KCNIP4: variants seen among roughly 807,000 people sequenced by gnomAD.
KCNIP4 encodes the protein potassium voltage-gated channel interacting protein 4, also known as Kv channel-interacting protein 4.
KCNIP4 carries 12 observed loss-of-function variants against 34.0 expected under a neutral mutation model. The observed-to-expected ratio is 0.35, with a 90% CI of 0.23 to 0.57. The LOEUF (loss-of-function observed/expected upper bound fraction) is 0.57. Among genes scored for constraint, KCNIP4 ranks in the 20% least tolerant of loss-of-function variants. The pLI is 0.83. For missense variants in KCNIP4, 238 were observed against 311.7 expected (o/e 0.76, Z 1.78); for synonymous variants, 124 against 102.2 (o/e 1.21, Z -1.29).
At chr4:21,727,097 A>T (rs933092502) in intron 1 of KCNIP4, among the ~76,000 whole-genome samples, 48 of 152,178 alleles carry the variant, frequency 3.2e-4, no homozygotes, top group Admixed American at 3.1e-3. Context: ...CACATGTGCC[A>T]TGTATACTCT....
At chr4:21,641,215 C>T (rs1746591004) in intron 1 of KCNIP4, among the ~76,000 whole-genome samples, 1 of 152,228 alleles carries the variant, frequency 6.6e-6, no homozygotes, top group Admixed American at 6.5e-5. Context: ...TGCCCATGGT[C>T]CCCACTATGC....
intron 1 of KCNIP4, among the ~76,000 whole-genome samples, chr4:21,841,604 T>C (rs1294088296): frequency 1.3e-5 from 2 of 152,162 alleles, no homozygotes; most frequent in Non-Finnish European, 2.9e-5. Context: ...ACTGTCCAAT[T>C]TCATGGAACA....
intron 1 of KCNIP4, among the ~76,000 whole-genome samples, chr4:21,235,379 A>G (rs1404790753): frequency 1.3e-5 from 2 of 151,982 alleles, no homozygotes; most frequent in East Asian, 3.9e-4. Flanking sequence ...ATGCTCACAC[A>G]CCTCATTCTA....
intron 1 of KCNIP4, among the ~76,000 whole-genome samples, chr4:21,375,737 T>C (rs10026382): frequency 0.048 from 7,338 of 151,906 alleles, 296 homozygotes; most frequent in Admixed American, 0.092. Flanking sequence ...CAGCTAATTT[T>C]TTTTGTATTT....
At chr4:21,545,089 G>A (rs982792388) in intron 1 of KCNIP4, among the ~76,000 whole-genome samples, 2 of 152,134 alleles carry the variant, frequency 1.3e-5, no homozygotes, top group Admixed American at 6.6e-5. Context: ...AGATAGCAAG[G>A]AGAGTGACCT....
chr4:21,590,713 T>A lies in KCNIP4; in HGVS notation c.61+357858A>T, dbSNP rs182345884. Reference sequence around the variant, plus strand: ...AAGTTTAATATGTGATCCCAATGGGTCATTACTATCTTCAATGCACAGTAC... The same window carrying A: ...AAGTTTAATATGTGATCCCAATGGGACATTACTATCTTCAATGCACAGTAC... On this transcript the variant is annotated intron_variant, in intron 1 of 8. Coordinates refer to ENST00000382152, the MANE Select transcript of KCNIP4 (RefSeq NM_025221.6). 9.9e-5 allele frequency among the ~76,000 whole-genome samples: 15 copies of A among 152,120 alleles called. No homozygotes were observed. The East Asian group carries it at 2.9e-3, about 29-fold the overall frequency.
At chr4:21,189,628 T>C (rs965151039) in intron 1 of KCNIP4, among the ~76,000 whole-genome samples, 3 of 151,954 alleles carry the variant, frequency 2.0e-5, no homozygotes, top group African/African-American at 7.2e-5. Flanking sequence ...CAAAGCACAT[T>C]TGCACTTGTC....
rs541867575 is a variant in KCNIP4, at chr4:21,683,618, G to A, written c.61+264953C>T. On this transcript the variant is annotated intron_variant, in intron 1 of 8. Coordinates refer to ENST00000382152, the MANE Select transcript of KCNIP4 (RefSeq NM_025221.6). Reference sequence around the variant, plus strand: ...CAAATAGCTGGGACTACAGGCGCCCGCCACCACGCCTGGCTAATTTTTTGT... The same window carrying A: ...CAAATAGCTGGGACTACAGGCGCCCACCACCACGCCTGGCTAATTTTTTGT... Among the ~76,000 whole-genome samples the A allele has an allele frequency of 1.2e-4, 18 of 151,420 alleles. No individual in the cohort carries two copies. In the South Asian group the frequency reaches 1.3e-3, roughly 11 times the overall value.
intron 1 of KCNIP4, among the ~76,000 whole-genome samples, chr4:21,883,956 T>C (rs555811489): frequency 9.9e-5 from 15 of 152,232 alleles, no homozygotes; most frequent in African/African-American, 3.4e-4. Flanking sequence ...TTGTTAGAAA[T>C]ATTCGGGAGT....
intron 1 of KCNIP4, among the ~76,000 whole-genome samples, chr4:21,626,159 C>G (rs1577713704): frequency 6.6e-6 from 1 of 152,134 alleles, no homozygotes; most frequent in East Asian, 1.9e-4. Flanking sequence ...CAGGGGCTTA[C>G]TTTGAAAAGT....
At chr4:20,760,214 G>A (rs544183034) in intron 3 of KCNIP4, among the ~76,000 whole-genome samples, 49 of 152,224 alleles carry the variant, frequency 3.2e-4, no homozygotes, top group African/African-American at 9.9e-4. Context: ...GAGCTCCCCT[G>A]ACTCTAGTTG....
chr4:21,018,898 G>A (rs1454345083), intron 1 of KCNIP4, among the ~76,000 whole-genome samples: 1 of 152,172 alleles, frequency 6.6e-6, no homozygotes, highest in Non-Finnish European at 1.5e-5. Flanking sequence ...TTCAGACAGT[G>A]TTGAGTTAAA....
intron 1 of KCNIP4, among the ~76,000 whole-genome samples, chr4:21,693,896 C>G (rs1055254105): frequency 1.3e-5 from 2 of 152,112 alleles, no homozygotes; most frequent in African/African-American, 4.8e-5. Flanking sequence ...CTTGGACATG[C>G]CTATAACTTT....
intron 1 of KCNIP4, among the ~76,000 whole-genome samples, chr4:21,328,566 C>G (rs1560294542): frequency 6.6e-6 from 1 of 152,198 alleles, no homozygotes; most frequent in Admixed American, 6.5e-5. Context: ...CCAAGGCCCA[C>G]AGTAACCACT....
chr4:21,349,963 C>G (rs558815262), intron 1 of KCNIP4, among the ~76,000 whole-genome samples: 4 of 152,156 alleles, frequency 2.6e-5, no homozygotes, highest in Non-Finnish European at 4.4e-5. Flanking sequence ...AGAAAACACT[C>G]CTGTGGGTGG....
intron 1 of KCNIP4, chr4:21,845,737 A>T (rs937997514): frequency 4.6e-5 from 7 of 152,116 alleles, no homozygotes; most frequent in Non-Finnish European, 1.0e-4. Context: ...TGCCTAAGTT[A>T]GTTAACTGGA....
intron 1 of KCNIP4, among the ~76,000 whole-genome samples, chr4:21,820,279 GTGTGTGTATATATATATATATA>G (rs1259792336): frequency 5.7e-5 from 1 of 17,648 alleles, no homozygotes; most frequent in Non-Finnish European, 1.3e-4. Context: ...ATGTATGTGT[GTGTGTGTATATATATATATATA>G]TATATATATA....
intron 5 of KCNIP4, among the ~76,000 whole-genome samples, chr4:20,737,504 C>T (rs73110233): frequency 0.11 from 17,207 of 152,000 alleles, 1,158 homozygotes; most frequent in South Asian, 0.19. Context: ...GTAGATGGGC[C>T]GATCTGAGAA....
At chr4:21,065,851 T>C (rs561184918) in intron 1 of KCNIP4, among the ~76,000 whole-genome samples, 9 of 150,554 alleles carry the variant, frequency 6.0e-5, no homozygotes, top group African/African-American at 1.9e-4. Flanking sequence ...ATTTTCAAAA[T>C]GTGAATGTAA....
Sources: allele counts gnomAD v4.1 joint callset (sites outside exome capture counted in the v4.1 genomes callset), GRCh38; gene constraint gnomAD v4.1.1; transcripts MANE v1.5; gene names NCBI Gene and HGNC (gene_info 2026-07-23, HGNC 2026-07-21).